OCM: variants seen among roughly 807,000 people sequenced by gnomAD.
OCM encodes oncomodulin-1.
A neutral mutation model predicts 14.1 loss-of-function variants in OCM; 18 were observed. The ratio of observed to expected loss-of-function variants is 1.28; its 90% CI spans 0.88 to 1.89. OCM has a LOEUF of 1.89. Among genes scored for constraint, OCM ranks in the 40% most tolerant of loss-of-function variants. OCM has a pLI of 0.00. For missense variants in OCM, 140 were observed against 137.6 expected (o/e 1.02, Z -0.09); for synonymous variants, 48 against 51.0 (o/e 0.94, Z 0.25).
the OCM span, among the ~76,000 whole-genome samples, chr7:5,861,686 G>A: frequency 6.6e-6 from 1 of 151,942 alleles, no homozygotes; most frequent in African/African-American, 2.4e-5. Context: ...CCTCATTTTG[G>A]ACATTTTCAT....
the OCM span, among the ~76,000 whole-genome samples, chr7:5,860,388 G>T: frequency 7.1e-6 from 1 of 141,140 alleles, no homozygotes; most frequent in Non-Finnish European, 1.5e-5. Flanking sequence ...ATATCATTAG[G>T]TATATATACG....
At chr7:5,879,169 C>T (rs1781158104), upstream of OCM, among the ~76,000 whole-genome samples, 1 of 152,174 alleles carries the variant, frequency 6.6e-6, no homozygotes, top group Non-Finnish European at 1.5e-5. Context: ...CCACTGCACT[C>T]CAGCCGGGGC....
At position 5,883,049 on chromosome 7, in the gene OCM, C is replaced by T. The variant is rs529984070; in HGVS notation, c.194+424C>T. Among the ~76,000 whole-genome samples the T allele has an allele frequency of 1.4e-4, 21 of 152,110 alleles. No individual in the cohort carries two copies. The East Asian group carries it at 3.5e-3, about 25-fold the overall frequency. On this transcript the variant is annotated intron_variant, in intron 2 of 3. Coordinates refer to ENST00000242104, the MANE Select transcript of OCM (RefSeq NM_001097622.2). ...GTAGAGATGGGGCTTCACTATGTTG[C>T]CAGGCTGGTCTCAAACTCCTGACTT... is the stretch of plus-strand genomic sequence containing the variant.
chr7:5,860,399 TG>T, the OCM span, among the ~76,000 whole-genome samples: 3 of 145,498 alleles, frequency 2.1e-5, no homozygotes, highest in Admixed American at 7.3e-5. Flanking sequence ...TATATATACG[TG>T]TATATATACG....
the OCM span, among the ~76,000 whole-genome samples, chr7:5,866,505 G>T: frequency 1.3e-5 from 2 of 151,512 alleles, no homozygotes; most frequent in African/African-American, 4.9e-5. Flanking sequence ...AAGGAGGGAG[G>T]GAGGGAAGGA....
At chr7:5,861,052 G>C in the OCM span, among the ~76,000 whole-genome samples, 1 of 151,958 alleles carries the variant, frequency 6.6e-6, no homozygotes, top group Non-Finnish European at 1.5e-5. Context: ...CACCAAATGT[G>C]TGTGCCACAG....
At chr7:5,859,779 C>A in the OCM span, among the ~76,000 whole-genome samples, 1 of 151,934 alleles carries the variant, frequency 6.6e-6, no homozygotes, top group Non-Finnish European at 1.5e-5. Flanking sequence ...CTCACTGCAA[C>A]CTCCGCCTCC....
chr7:5,863,567 C>T, the OCM span, among the ~76,000 whole-genome samples: 1 of 146,790 alleles, frequency 6.8e-6, no homozygotes, highest in African/African-American at 2.5e-5. Flanking sequence ...GAGTCTTGCT[C>T]TGTCACCCAG....
At chr7:5,860,014 C>G in the OCM span, among the ~76,000 whole-genome samples, 1 of 151,292 alleles carries the variant, frequency 6.6e-6, no homozygotes, top group African/African-American at 2.4e-5. Flanking sequence ...ATGGTTTTTC[C>G]TGGGTTCTGA....
chr7:5,882,836 G>A (rs1362409220), intron 2 of OCM, among the ~76,000 whole-genome samples: 1 of 127,736 alleles, frequency 7.8e-6, no homozygotes, highest in Non-Finnish European at 1.6e-5. Context: ...CAGGTGCAAA[G>A]ATTCTTTTTT....
At chr7:5,861,084 G>C in the OCM span, among the ~76,000 whole-genome samples, 192 of 152,066 alleles carry the variant, frequency 1.3e-3, 4 homozygotes, top group East Asian at 0.024. Flanking sequence ...TATAGTTGTT[G>C]CTGGTTTTTA....
chr7:5,868,749 A>C, the OCM span, among the ~76,000 whole-genome samples: 1 of 152,154 alleles, frequency 6.6e-6, no homozygotes, highest in Non-Finnish European at 1.5e-5. Context: ...GCTACCCAGA[A>C]AGTCAGACCA....
intron 2 of OCM, among the ~76,000 whole-genome samples, 182 bp downstream of exon 2, chr7:5,882,807 A>G (rs1405415616): frequency 6.6e-6 from 1 of 151,262 alleles, no homozygotes; most frequent in Non-Finnish European, 1.5e-5. Context: ...AAAGCCCTCA[A>G]TATGGGCAGA....
At chr7:5,861,220 G>C in the OCM span, among the ~76,000 whole-genome samples, 14 of 152,144 alleles carry the variant, frequency 9.2e-5, no homozygotes, top group Non-Finnish European at 5.9e-5. Flanking sequence ...TCAGGAGTTC[G>C]AGACCAGCCT....
At chr7:5,882,352 C>CA in intron 1 of OCM, 141 bp from the exon 2 acceptor site, 1 of 1,010,544 alleles carries the variant, frequency 9.9e-7, no homozygotes, top group Middle Eastern at 2.2e-4. Context: ...TTGGCTGTCC[C>CA]AAAATCTTGG....
the OCM span, among the ~76,000 whole-genome samples, chr7:5,869,232 C>G: frequency 6.6e-6 from 1 of 152,134 alleles, no homozygotes. Context: ...GAGGGGGTGC[C>G]AGGCCCTCCT....
At chr7:5,870,872 A>C in the OCM span, among the ~76,000 whole-genome samples, 1 of 150,834 alleles carries the variant, frequency 6.6e-6, no homozygotes, top group African/African-American at 2.4e-5. Flanking sequence ...TCTTGTAAAT[A>C]TCACGCTAAT....
chr7:5,882,402 G>A, intron 1 of OCM, 91 bp from the exon 2 acceptor site: 2 of 1,436,272 alleles, frequency 1.4e-6, no homozygotes, highest in Non-Finnish European at 9.7e-7. Flanking sequence ...TATTGTTGAA[G>A]TGTTTTTAAT....
chr7:5,875,747 C>T (rs1179538711), upstream of OCM, among the ~76,000 whole-genome samples: 1 of 151,954 alleles, frequency 6.6e-6, no homozygotes, highest in Non-Finnish European at 1.5e-5. Flanking sequence ...GTAAACACTC[C>T]CAAAGAAAAA....
Sources: allele counts gnomAD v4.1 joint callset (sites outside exome capture counted in the v4.1 genomes callset), GRCh38; gene constraint gnomAD v4.1.1; transcripts MANE v1.5; gene names NCBI Gene and HGNC (gene_info 2026-07-23, HGNC 2026-07-21).